The following H2AC13 variants were observed in gnomAD, a reference collection of about 807,000 sequenced individuals.
H2AC13 encodes H2A clustered histone 13.
H2AC13 carries 3 observed loss-of-function variants against 5.9 expected under a neutral mutation model. The ratio of observed to expected loss-of-function variants is 0.50; its 90% confidence interval spans 0.23 to 1.30. The LOEUF (loss-of-function observed/expected upper bound fraction) is 1.30, where lower values mean the gene tolerates loss of function less well. Ranked by LOEUF, H2AC13 falls within the 50% of genes most tolerant of loss-of-function variation. The probability of loss-of-function intolerance (pLI) is 0.18; values close to 1 mark genes in which losing one functional copy is unlikely to be tolerated. For synonymous variants in H2AC13, 96 were observed against 82.4 expected, an observed-to-expected ratio of 1.17 and a Z score of -0.90; for missense variants, 123 against 179.1, an observed-to-expected ratio of 0.69 and a Z score of 1.79.
Position 27,808,314 on chromosome 6 carries a change from C to T in H2AC13, c.105C>T (p.Leu35=). The change falls in exon 1 of 1, where the codon CTC becomes CTT. Residue 35 remains leucine (L), a synonymous_variant. Transcript: ENST00000358739. The stretch of plus-strand genomic sequence containing the variant: ...CCGTAGGCCGAGTGCATCGCCTGCT[C>T]CGCAAAGGCAACTATGCGGAGCGGG... ...QFPVGRVHRL[L]RKGNYAERVG... is the part of the protein sequence containing the mutation. 6.4e-7 allele frequency: 1 copy of T among 1,572,328 alleles called. No individual in the cohort carries two copies. Among genetic ancestry groups the T allele is most frequent in the Non-Finnish European group, 8.6e-7 (1 of 1,158,036 alleles).
At position 27,808,613 on chromosome 6, in the gene H2AC13, T is replaced by TGAGA. The variant is rs1760498084; in HGVS notation, c.*11_*12insGAGA. The TGAGA allele has an allele frequency of 1.2e-6, 2 of 1,606,274 alleles. No individual in the cohort carries two copies. The highest frequency in any genetic ancestry group is 1.7e-6 in the Non-Finnish European group (2 of 1,175,548). On this transcript the variant is annotated 3_prime_UTR_variant, in exon 1 of 1. Coordinates refer to ENST00000358739, the MANE Select transcript of H2AC13 (RefSeq NM_003509.3). ...GCGAAGGGCAAGTAGAAGCCTGGAT[T>TGAGA]AGTTTGCAGCAACTCAATCCCAAAG...
Position 27,808,601 on chromosome 6 carries a change from AG to A in H2AC13, c.393del (p.Ter131=). ...TESHHKAKGK* is the reference protein window; with the variant it reads ...TESHHKAKGKX ...AGCCACCACAAGGCGAAGGGCAAGT[AG>A]AAGCCTGGATTAGTTTGCAGCAACT... On this transcript the variant is annotated frameshift_variant and stop_lost, in exon 1 of 1. Coordinates refer to ENST00000358739, the MANE Select transcript of H2AC13 (RefSeq NM_003509.3). LOFTEE classifies it high-confidence loss of function. 1.2e-6 allele frequency: 2 copies of A among 1,611,742 alleles called. No individual in the cohort carries two copies. Among genetic ancestry groups the A allele is most frequent in the Non-Finnish European group, 1.7e-6 (2 of 1,178,450 alleles).
Position 27,808,241 on chromosome 6 carries a change from C to T in H2AC13, c.32C>T (p.Ala11Val), listed in dbSNP as rs755363997. MSGRGKQGGKARAKAKTRSSR... is the reference protein window; with the variant it reads MSGRGKQGGKVRAKAKTRSSR... The stretch of plus-strand genomic sequence containing the variant: ...GGGCGTGGCAAGCAGGGAGGCAAAG[C>T]TCGCGCCAAGGCCAAGACCCGCTCT... The change falls in exon 1 of 1, where the codon GCT (alanine) becomes GTT (valine). Residue 11 changes from alanine (A) to valine (V), a missense_variant. Transcript: ENST00000358739. 12 of 1,581,006 alleles carry T rather than the reference C, an allele frequency of 7.6e-6. No individual in the cohort carries two copies. The Admixed American group carries it at 1.7e-4, about 22-fold the overall frequency.
Position 27,808,235 on chromosome 6 carries a change from G to GC in H2AC13, c.27dup (p.Lys10GlnfsTer83), listed in dbSNP as rs1277159961. On this transcript the variant is annotated frameshift_variant, in exon 1 of 1. Coordinates refer to ENST00000358739, the MANE Select transcript of H2AC13 (RefSeq NM_003509.3). LOFTEE classifies it high-confidence loss of function. ...ATGTCTGGGCGTGGCAAGCAGGGAG[G>GC]CAAAGCTCGCGCCAAGGCCAAGACC... The GC allele has an allele frequency of 6.3e-7, 1 of 1,581,298 alleles. No homozygotes were observed. The highest frequency in any genetic ancestry group is 2.2e-5 in the East Asian group (1 of 44,654).
chr6:27,808,608 T>C lies in H2AC13; in HGVS notation c.*6T>C. ...ACAAGGCGAAGGGCAAGTAGAAGCCTGGATTAGTTTGCAGCAACTCAATCC... is the reference window on the plus strand; with the variant it reads ...ACAAGGCGAAGGGCAAGTAGAAGCCCGGATTAGTTTGCAGCAACTCAATCC... On this transcript the variant is annotated 3_prime_UTR_variant, in exon 1 of 1. Coordinates refer to ENST00000358739, the MANE Select transcript of H2AC13 (RefSeq NM_003509.3). 3 of 1,607,896 alleles carry C rather than the reference T, an allele frequency of 1.9e-6. No homozygotes were observed. Among genetic ancestry groups the C allele is most frequent in the Non-Finnish European group, 2.6e-6 (3 of 1,176,316 alleles).
In H2AC13 at chr6:27,808,599, G is replaced by A. The variant is rs1009690976; in HGVS notation, c.390G>A (p.Lys130=). Residue 130 remains lysine, a synonymous_variant, in exon 1 of 1, where the codon AAG becomes AAA. Transcript: ENST00000358739. Reference sequence around the variant, plus strand: ...AGAGCCACCACAAGGCGAAGGGCAAGTAGAAGCCTGGATTAGTTTGCAGCA... The same window carrying A: ...AGAGCCACCACAAGGCGAAGGGCAAATAGAAGCCTGGATTAGTTTGCAGCA... The part of the protein sequence containing the change: ...KTESHHKAKG[K] 1.2e-6 allele frequency: 2 copies of A among 1,611,552 alleles called. No individual in the cohort carries two copies. The highest frequency in any genetic ancestry group is 2.7e-5 in the African/African-American group (2 of 74,784).
rs755363997 is a variant in H2AC13, at chr6:27,808,241, C to G, written c.32C>G (p.Ala11Gly). The change falls in exon 1 of 1, where the codon GCT (alanine) becomes GGT (glycine). Residue 11 changes from alanine (A) to glycine (G), a missense_variant. Around this residue, in one of 3 missense-constraint regions of H2AC13, gnomAD observed 33 missense variants for 28.6 expected, o/e 1.15. Transcript: ENST00000358739. Reference protein sequence around the residue: MSGRGKQGGKARAKAKTRSSR... With the variant: MSGRGKQGGKGRAKAKTRSSR... The stretch of plus-strand genomic sequence containing the variant: ...GGGCGTGGCAAGCAGGGAGGCAAAG[C>G]TCGCGCCAAGGCCAAGACCCGCTCT... 6.3e-7 allele frequency: 1 copy of G among 1,581,004 alleles called. No homozygotes were observed. The highest frequency in any genetic ancestry group is 8.6e-7 in the Non-Finnish European group (1 of 1,164,866).
In H2AC13 at chr6:27,808,206, T is replaced by C; in HGVS notation, c.-4T>C. ...TTGACCGTATAGATAATAGGCCTTT[T>C]GCCATGTCTGGGCGTGGCAAGCAGG... On this transcript the variant is annotated 5_prime_UTR_variant, in exon 1 of 1. Transcript: ENST00000358739. 1 of 1,569,516 alleles carries C rather than the reference T, an allele frequency of 6.4e-7. No individual in the cohort carries two copies. Among genetic ancestry groups the C allele is most frequent in the Non-Finnish European group, 8.6e-7 (1 of 1,160,870 alleles).
chr6:27,808,243 C>A lies in H2AC13; in HGVS notation c.34C>A (p.Arg12Ser). Reference sequence around the variant, plus strand: ...GCGTGGCAAGCAGGGAGGCAAAGCTCGCGCCAAGGCCAAGACCCGCTCTTC... The same window carrying A: ...GCGTGGCAAGCAGGGAGGCAAAGCTAGCGCCAAGGCCAAGACCCGCTCTTC... ...SGRGKQGGKA[R>S]AKAKTRSSRA... Residue 12 changes from arginine (R) to serine (S), a missense_variant, in exon 1 of 1, where the codon CGC becomes AGC. Transcript: ENST00000358739. 6.3e-7 allele frequency: 1 copy of A among 1,579,438 alleles called. No individual in the cohort carries two copies. The highest frequency in any genetic ancestry group is 1.2e-5 in the South Asian group (1 of 85,630).
rs748561104 is a variant in H2AC13, at chr6:27,808,620, C to T, written c.*18C>T. ...GCAAGTAGAAGCCTGGATTAGTTTG[C>T]AGCAACTCAATCCCAAAGGAACCAA... On this transcript the variant is annotated 3_prime_UTR_variant, in exon 1 of 1. Coordinates refer to ENST00000358739, the MANE Select transcript of H2AC13 (RefSeq NM_003509.3). 1 of 1,602,350 alleles carries T rather than the reference C, an allele frequency of 6.2e-7. No homozygotes were observed. The highest frequency in any genetic ancestry group is 1.7e-5 in the Admixed American group (1 of 58,310).
chr6:27,808,572 C>A lies in H2AC13; in HGVS notation c.363C>A (p.Thr121=). 1 of 1,613,994 alleles carries A rather than the reference C, an allele frequency of 6.2e-7. No individual in the cohort carries two copies. Among genetic ancestry groups the A allele is most frequent in the Non-Finnish European group, 8.5e-7 (1 of 1,179,876 alleles). ...AGGCCGTGCTACTGCCCAAGAAGAC[C>A]GAGAGCCACCACAAGGCGAAGGGCA... ...NIQAVLLPKK[T]ESHHKAKGK Residue 121 remains threonine (T), a synonymous_variant, in exon 1 of 1, where the codon ACC becomes ACA. Transcript: ENST00000358739.
rs1581456978 is a variant in H2AC13, at chr6:27,808,604, A to T, written c.*2A>T. Reference sequence around the variant, plus strand: ...CACCACAAGGCGAAGGGCAAGTAGAAGCCTGGATTAGTTTGCAGCAACTCA... The same window carrying T: ...CACCACAAGGCGAAGGGCAAGTAGATGCCTGGATTAGTTTGCAGCAACTCA... On this transcript the variant is annotated 3_prime_UTR_variant, in exon 1 of 1. Transcript: ENST00000358739. The T allele has an allele frequency of 6.2e-7, 1 of 1,609,672 alleles. No individual in the cohort carries two copies. Among genetic ancestry groups the T allele is most frequent in the Non-Finnish European group, 8.5e-7 (1 of 1,177,302 alleles).
At position 27,808,399 on chromosome 6, in the gene H2AC13, C is replaced by G. The variant is rs1183660684; in HGVS notation, c.190C>G (p.Leu64Val). 10 of 1,609,090 alleles carry G rather than the reference C, an allele frequency of 6.2e-6. No individual in the cohort carries two copies. Among genetic ancestry groups the G allele is most frequent in the Non-Finnish European group, 8.5e-6 (10 of 1,176,528 alleles). Reference protein sequence around the residue: ...AVLEYLTAEILELAGNAARDN... With the variant: ...AVLEYLTAEIVELAGNAARDN... ...GCTGGAGTACCTGACCGCCGAGATC[C>G]TGGAGCTGGCTGGCAACGCGGCCCG... The change falls in exon 1 of 1, where the codon CTG (leucine) becomes GTG (valine). Residue 64 changes from leucine to valine, a missense_variant. Leu to Val is a conservative substitution (Grantham distance 32). Coordinates refer to ENST00000358739, the MANE Select transcript of H2AC13 (RefSeq NM_003509.3).
chr6:27,808,467 G>T lies in H2AC13; in HGVS notation c.258G>T (p.Leu86=). 6.2e-7 allele frequency: 1 copy of T among 1,613,758 alleles called. No homozygotes were observed. The highest frequency in any genetic ancestry group is 1.1e-5 in the South Asian group (1 of 91,060). ...GCATCATCCCGCGTCACCTCCAGCT[G>T]GCCATCCGCAACGATGAGGAGCTCA... The part of the protein sequence containing the change: ...KTRIIPRHLQ[L]AIRNDEELNK... Residue 86 remains leucine (L), a synonymous_variant, in exon 1 of 1, where the codon CTG becomes CTT. Transcript: ENST00000358739.
At position 27,808,236 on chromosome 6, in the gene H2AC13, C is replaced by T. The variant is rs766785839; in HGVS notation, c.27C>T (p.Gly9=). ...TGTCTGGGCGTGGCAAGCAGGGAGG[C>T]AAAGCTCGCGCCAAGGCCAAGACCC... is the stretch of plus-strand genomic sequence containing the variant. The part of the protein sequence containing the change: MSGRGKQG[G]KARAKAKTRS... The change falls in exon 1 of 1, where the codon GGC becomes GGT. Residue 9 remains glycine (G), a synonymous_variant. Transcript: ENST00000358739. 1.9e-6 allele frequency: 3 copies of T among 1,581,658 alleles called. No homozygotes were observed. The highest frequency in any genetic ancestry group is 1.7e-4 in the Middle Eastern group (1 of 5,876).
rs373172425 is a variant in H2AC13 at position 27,808,195 on chromosome 6, A to G, written c.-15A>G. On this transcript the variant is annotated 5_prime_UTR_variant, in exon 1 of 1. In the 5' UTR this introduces an upstream ATG that the reference lacks. Coordinates refer to ENST00000358739, the MANE Select transcript of H2AC13 (RefSeq NM_003509.3). ...TTCAGTCTTTCTTGACCGTATAGAT[A>G]ATAGGCCTTTTGCCATGTCTGGGCG... 7 of 1,561,448 alleles carry G rather than the reference A, an allele frequency of 4.5e-6. No individual in the cohort carries two copies. In the South Asian group the frequency reaches 4.9e-5, roughly 11 times the overall value.
rs1397177553 is a variant in H2AC13 at position 27,808,582 on chromosome 6, C to T, written c.373C>T (p.His125Tyr). The change falls in exon 1 of 1, where the codon CAC becomes TAC. Residue 125 changes from histidine to tyrosine, a missense_variant. Physicochemically the swap from His to Tyr is moderately conservative, Grantham distance 83 (BLOSUM62 2). Transcript: ENST00000358739. The stretch of plus-strand genomic sequence containing the variant: ...ACTGCCCAAGAAGACCGAGAGCCAC[C>T]ACAAGGCGAAGGGCAAGTAGAAGCC... ...VLLPKKTESH[H>Y]KAKGK The T allele has an allele frequency of 4.3e-6, 7 of 1,613,794 alleles. No homozygotes were observed. Among genetic ancestry groups the T allele is most frequent in the Non-Finnish European group, 5.9e-6 (7 of 1,179,784 alleles).
rs1173823415 is a variant in H2AC13, at chr6:27,808,265, C to G, written c.56C>G (p.Ser19Cys). 2 of 1,567,182 alleles carry G rather than the reference C, an allele frequency of 1.3e-6. No homozygotes were observed. The highest frequency in any genetic ancestry group is 1.7e-6 in the Non-Finnish European group (2 of 1,160,178). Residue 19 changes from serine to cysteine, a missense_variant, in exon 1 of 1, where the codon TCT (serine) becomes TGT (cysteine). Around this residue, in one of 3 missense-constraint regions of H2AC13, gnomAD observed 33 missense variants for 28.6 expected, o/e 1.15. Coordinates refer to ENST00000358739, the MANE Select transcript of H2AC13 (RefSeq NM_003509.3). ...GCTCGCGCCAAGGCCAAGACCCGCT[C>G]TTCTCGGGCCGGGCTTCAGTTTCCC... is the stretch of plus-strand genomic sequence containing the variant. ...GKARAKAKTR[S>C]SRAGLQFPVG...
rs768414754 is a variant in H2AC13, at chr6:27,808,260, C to T, written c.51C>T (p.Thr17=). 23 of 1,569,610 alleles carry T rather than the reference C, an allele frequency of 1.5e-5. No homozygotes were observed. The Middle Eastern group carries it at 5.1e-4, about 35-fold the overall frequency. Residue 17 remains threonine (T), a synonymous_variant, in exon 1 of 1, where the codon ACC becomes ACT. Transcript: ENST00000358739. The part of the protein sequence containing the change: ...QGGKARAKAK[T]RSSRAGLQFP... The stretch of plus-strand genomic sequence containing the variant: ...GCAAAGCTCGCGCCAAGGCCAAGAC[C>T]CGCTCTTCTCGGGCCGGGCTTCAGT...
Sources: gnomAD v4.1 joint callset for allele counts on GRCh38, gnomAD v4.1.1 for gene constraint, gnomAD v4.1.1 regional missense constraint, MANE v1.5 for transcripts, NCBI Gene and HGNC (gene_info 2026-07-23, HGNC 2026-07-21) for gene names.